The following ST8SIA6 variants were observed in gnomAD, a reference collection of about 807,000 sequenced individuals.
ST8SIA6 encodes the protein ST8 alpha-N-acetyl-neuraminide alpha-2,8-sialyltransferase 6.
Under a neutral mutation model 33.6 loss-of-function variants are expected in ST8SIA6, and 39 were observed. That is an observed-to-expected ratio of 1.16 (90% CI 0.90 to 1.52). ST8SIA6 has a LOEUF of 1.52. ST8SIA6 is among the 40% of genes most tolerant of loss of function. ST8SIA6 has a pLI of 0.00. For synonymous variants in ST8SIA6, 172 were observed against 167.2 expected (o/e 1.03, Z -0.22); for missense variants, 441 against 443.8 (o/e 0.99, Z 0.06).
chr10:17,408,629 C>T (rs527917645), intron 2 of ST8SIA6, among the ~76,000 whole-genome samples: 1 of 151,270 alleles, frequency 6.6e-6, no homozygotes, highest in Non-Finnish European at 1.5e-5. Context: ...CACTGCACTC[C>T]AGCCTGGGTG....
intron 2 of ST8SIA6, among the ~76,000 whole-genome samples, chr10:17,437,497 A>C (rs1403377101): frequency 6.6e-6 from 1 of 151,724 alleles, no homozygotes; most frequent in African/African-American, 2.4e-5. Flanking sequence ...TTTTGATTTC[A>C]GCATACTTGG....
chr10:17,350,653 T>C lies in ST8SIA6; in HGVS notation c.377+8861A>G, dbSNP rs150839414. 3.5e-3 allele frequency among the ~76,000 whole-genome samples: 528 copies of C among 152,160 alleles called. 4 individuals carry two copies. Among genetic ancestry groups the C allele is most frequent in the African/African-American group, 0.012 (504 of 41,508 alleles). On this transcript the variant is annotated intron_variant, in intron 4 of 7. Transcript: ENST00000377602. ...AGAGCTTCAAATAGACACCACCTTT[T>C]TTTTTTTTAGCAACACTTCTATACC...
At chr10:17,434,055 C>T (rs1044300487) in intron 2 of ST8SIA6, among the ~76,000 whole-genome samples, 1 of 152,162 alleles carries the variant, frequency 6.6e-6, no homozygotes, top group Non-Finnish European at 1.5e-5. Context: ...CCTGTTTAGC[C>T]TCCCCTGGCT....
In ST8SIA6 at chr10:17,318,422, C is replaced by T. The variant is rs114523811; in HGVS notation, c.*2456G>A. On this transcript the variant is annotated 3_prime_UTR_variant, in exon 8 of 8. Transcript: ENST00000377602. Reference sequence around the variant, plus strand: ...GTAGAGAAGGGTACTCACTATGTTGCCCAGGCTAGTCTCAAACTCCTGGCC... The same window carrying T: ...GTAGAGAAGGGTACTCACTATGTTGTCCAGGCTAGTCTCAAACTCCTGGCC... The T allele has an allele frequency of 1.2e-3, 401 of 323,660 alleles. No homozygotes were observed. The highest frequency in any genetic ancestry group is 8.2e-3 in the African/African-American group (379 of 46,178). The allele number at this position is 323,660 out of a possible 1,614,324, so 20.0% of individuals were successfully genotyped here. A position where few individuals can be genotyped will look rare whatever the true frequency, so the allele number is the denominator to read the frequency against.
At chr10:17,398,797 C>T (rs1352246423) in intron 2 of ST8SIA6, among the ~76,000 whole-genome samples, 1 of 152,066 alleles carries the variant, frequency 6.6e-6, no homozygotes, top group African/African-American at 2.4e-5. Context: ...CAGGAGAGCA[C>T]CCTAGCCACC....
At chr10:17,337,967 T>G (rs928444653) in intron 4 of ST8SIA6, among the ~76,000 whole-genome samples, 1 of 151,848 alleles carries the variant, frequency 6.6e-6, no homozygotes, top group Non-Finnish European at 1.5e-5. Flanking sequence ...GGTAAAACAC[T>G]GTACACTTTT....
intron 2 of ST8SIA6, among the ~76,000 whole-genome samples, chr10:17,395,031 C>G (rs1850757731): frequency 6.6e-6 from 1 of 152,088 alleles, no homozygotes; most frequent in Admixed American, 6.5e-5. Flanking sequence ...TTTCACAATT[C>G]CCACGTGTTG....
At chr10:17,378,974 A>C (rs1333041780) in intron 3 of ST8SIA6, among the ~76,000 whole-genome samples, 1 of 151,982 alleles carries the variant, frequency 6.6e-6, no homozygotes, top group Non-Finnish European at 1.5e-5. Flanking sequence ...AAAATACAAA[A>C]AATTAGCTGG....
At chr10:17,330,241 T>G (rs1474148457) in intron 5 of ST8SIA6, among the ~76,000 whole-genome samples, 1 of 152,202 alleles carries the variant, frequency 6.6e-6, no homozygotes, top group Admixed American at 6.5e-5. Context: ...AAGTGCCAAA[T>G]GAGGGTAAAG....
In ST8SIA6 at chr10:17,321,052, A is replaced by G. The variant is rs1310228760; in HGVS notation, c.1023T>C (p.Tyr341=). ...AVELCKNVKL[Y]GFWPFSKTVE... ...CAGTTTTAGAGAAGGGCCAGAATCC[A>G]TACAGCTTCACATTTTTACACAGTT... Residue 341 remains tyrosine, a synonymous_variant, in exon 8 of 8, where the codon TAT becomes TAC. Coordinates refer to ENST00000377602, the MANE Select transcript of ST8SIA6 (RefSeq NM_001004470.3). The G allele has an allele frequency of 1.9e-6, 3 of 1,613,980 alleles. No individual in the cohort carries two copies. In the East Asian group the frequency reaches 6.7e-5, roughly 36 times the overall value.
chr10:17,357,615 C>A (rs1849241632), intron 4 of ST8SIA6, among the ~76,000 whole-genome samples: 1 of 152,162 alleles, frequency 6.6e-6, no homozygotes, highest in Non-Finnish European at 1.5e-5. Context: ...TTGATGGGTT[C>A]TTTTCACCTT....
At chr10:17,324,197 G>A (rs1480772898) in intron 6 of ST8SIA6, among the ~76,000 whole-genome samples, 1 of 152,098 alleles carries the variant, frequency 6.6e-6, no homozygotes, top group African/African-American at 2.4e-5. Flanking sequence ...CATAAGAAGG[G>A]AGCATCTTTG....
intron 2 of ST8SIA6, among the ~76,000 whole-genome samples, chr10:17,453,082 A>T (rs1171987853): frequency 6.6e-5 from 10 of 152,152 alleles, no homozygotes; most frequent in Non-Finnish European, 1.5e-4. Flanking sequence ...CATGTGAATG[A>T]TAAGAAAAAA....
At chr10:17,321,837 A>G (rs1253168364) in intron 7 of ST8SIA6, among the ~76,000 whole-genome samples, 1 of 152,156 alleles carries the variant, frequency 6.6e-6, no homozygotes, top group African/African-American at 2.4e-5. Flanking sequence ...ACAGAGGCTC[A>G]TGCTTGTCAG....
chr10:17,325,644 A>C (rs1390776204), intron 6 of ST8SIA6, among the ~76,000 whole-genome samples: 2 of 152,028 alleles, frequency 1.3e-5, no homozygotes, highest in Non-Finnish European at 2.9e-5. Context: ...TGAACTGTCA[A>C]CCTGAAGCAC....
chr10:17,333,714 T>TAC lies in ST8SIA6; in HGVS notation c.378-2163_378-2162insGT, dbSNP rs1564405122. 1.4e-3 allele frequency among the ~76,000 whole-genome samples: 58 copies of TAC among 40,160 alleles called. 1 individual carries two copies. Among genetic ancestry groups the TAC allele is most frequent in the African/African-American group, 2.2e-3 (24 of 10,750 alleles). 26.3% of individuals were successfully genotyped at this position (40,160 alleles called of 152,430 possible). A position where few individuals can be genotyped will look rare whatever the true frequency, so the allele number is the denominator to read the frequency against. On this transcript the variant is annotated intron_variant, in intron 4 of 7. Coordinates refer to ENST00000377602, the MANE Select transcript of ST8SIA6 (RefSeq NM_001004470.3). ...ATATATATATATATATATATATATATATATTTTTTTTTTTTTTTTTTTTTT... is the reference window on the plus strand; with the variant it reads ...ATATATATATATATATATATATATATACATATTTTTTTTTTTTTTTTTTTTTT...
At chr10:17,331,372 G>T in intron 5 of ST8SIA6, 36 bp downstream of exon 5, 2 of 1,571,252 alleles carry the variant, frequency 1.3e-6, no homozygotes, top group Non-Finnish European at 1.7e-6. Flanking sequence ...CACCTGGAAT[G>T]GTAACACAAA....
intron 2 of ST8SIA6, among the ~76,000 whole-genome samples, chr10:17,450,389 C>T (rs1423465377): frequency 6.6e-6 from 1 of 152,188 alleles, no homozygotes; most frequent in Non-Finnish European, 1.5e-5. Context: ...AGTTTCAACT[C>T]TTGACCGCTG....
intron 2 of ST8SIA6, among the ~76,000 whole-genome samples, chr10:17,416,674 A>G (rs867210471): frequency 6.6e-6 from 1 of 152,036 alleles, no homozygotes; most frequent in Non-Finnish European, 1.5e-5. Context: ...CGGTACTTCT[A>G]TTGCCTCATT....
Sources: gnomAD v4.1 joint callset for allele counts (sites outside exome capture counted in the v4.1 genomes callset) on GRCh38, gnomAD v4.1.1 for gene constraint, MANE v1.5 for transcripts, NCBI Gene and HGNC (gene_info 2026-07-23, HGNC 2026-07-21) for gene names.